Variants in RERE observed in about 807,000 individuals in gnomAD.
RERE encodes arginine-glutamic acid dipeptide repeats.
Under a neutral mutation model 146.1 loss-of-function variants are expected in RERE, and 40 were observed. The observed-to-expected ratio is 0.27, with a 90% CI of 0.21 to 0.36. The LOEUF (loss-of-function observed/expected upper bound fraction) is 0.36. Among genes scored for constraint, RERE ranks in the 10% least tolerant of loss-of-function variants. RERE has a pLI of 1.00. For missense variants in RERE, 1,933 were observed against 2,138.7 expected, an observed-to-expected ratio of 0.90 and a Z score of 1.90; for synonymous variants, 1,003 against 866.0, an observed-to-expected ratio of 1.16 and a Z score of -2.78.
At chr1:8,650,597 T>C (rs1647564105) in intron 2 of RERE, among the ~76,000 whole-genome samples, 1 of 151,992 alleles carries the variant, frequency 6.6e-6, no homozygotes, top group Non-Finnish European at 1.5e-5. Context: ...ACCCTGTCTC[T>C]ACAAAAAATA....
At chr1:8,675,984 T>C (rs1638832965) in intron 1 of RERE, among the ~76,000 whole-genome samples, 1 of 152,218 alleles carries the variant, frequency 6.6e-6, no homozygotes, top group Admixed American at 6.5e-5. Flanking sequence ...ATTTCAGATA[T>C]CGTATTTTTG....
chr1:8,767,319 G>A (rs978701028), intron 1 of RERE, among the ~76,000 whole-genome samples: 2 of 152,150 alleles, frequency 1.3e-5, no homozygotes, highest in African/African-American at 2.4e-5. Context: ...AAAAGCAATG[G>A]AGGCCAGGCA....
intron 1 of RERE, among the ~76,000 whole-genome samples, chr1:8,778,171 G>T (rs1641103182): frequency 6.6e-6 from 1 of 152,152 alleles, no homozygotes; most frequent in African/African-American, 2.4e-5. Context: ...ATTAGACAGT[G>T]AGTTAAAGTA....
chr1:8,505,143 A>G (rs937290044), intron 8 of RERE, among the ~76,000 whole-genome samples: 1 of 152,234 alleles, frequency 6.6e-6, no homozygotes, highest in Non-Finnish European at 1.5e-5. Flanking sequence ...CTGGGAATTA[A>G]GAGAGATTTA....
intron 4 of RERE, among the ~76,000 whole-genome samples, chr1:8,611,822 C>T (rs1646796959): frequency 6.6e-6 from 1 of 152,156 alleles, no homozygotes; most frequent in Admixed American, 6.5e-5. Flanking sequence ...CATGGTGCCA[C>T]GTGGTTTCTA....
At chr1:8,490,909 T>C (rs1345353760) in intron 10 of RERE, among the ~76,000 whole-genome samples, 1 of 150,584 alleles carries the variant, frequency 6.6e-6, no homozygotes, top group Middle Eastern at 3.2e-3. Context: ...CACAGATTTA[T>C]ATATCTGAAA....
At chr1:8,498,560 G>A (rs748465460) in intron 8 of RERE, among the ~76,000 whole-genome samples, 42 of 151,028 alleles carry the variant, frequency 2.8e-4, no homozygotes, top group African/African-American at 1.0e-3. Flanking sequence ...GCCAGGCGTG[G>A]TGGTATGTGC....
intron 1 of RERE, among the ~76,000 whole-genome samples, chr1:8,663,609 AG>A (rs1490487300): frequency 6.6e-6 from 1 of 152,212 alleles, no homozygotes; most frequent in Admixed American, 6.5e-5. Flanking sequence ...CAGTGCAGCC[AG>A]CCAGCCAGCA....
intron 4 of RERE, among the ~76,000 whole-genome samples, chr1:8,593,081 C>A (rs1301483036): frequency 6.6e-6 from 1 of 152,150 alleles, no homozygotes; most frequent in Non-Finnish European, 1.5e-5. Flanking sequence ...AATGGTGCGA[C>A]TGGTTTCAGA....
intron 11 of RERE, among the ~76,000 whole-genome samples, chr1:8,448,124 G>A (rs148237605): frequency 3.9e-5 from 6 of 152,226 alleles, no homozygotes; most frequent in East Asian, 3.9e-4. Flanking sequence ...TCTTGAGGTG[G>A]GGAGTTCCTG....
chr1:8,407,716 C>T lies in RERE; in HGVS notation c.1284+15011G>A, dbSNP rs191362854. 6.6e-5 allele frequency among the ~76,000 whole-genome samples: 10 copies of T among 152,242 alleles called. No homozygotes were observed. The East Asian group carries it at 1.7e-3, about 26-fold the overall frequency. On this transcript the variant is annotated intron_variant, in intron 12 of 22. Transcript: ENST00000400908. ...ATGGGGATGACTGCTGAGCTGATGT[C>T]TATAAAATGTTCTTAATGGCAAGGG... is the stretch of plus-strand genomic sequence containing the variant.
At chr1:8,369,508 TAAAAAAAAAAAAAAAAA>T (rs1186718390) in intron 12 of RERE, among the ~76,000 whole-genome samples, 16 of 76,892 alleles carry the variant, frequency 2.1e-4, no homozygotes, top group African/African-American at 6.3e-4. Context: ...CGCCTTTTAC[TAAAAAAAAAAAAAAAAA>T]AAAAAAAAAA....
intron 2 of RERE, among the ~76,000 whole-genome samples, chr1:8,643,799 A>AT (rs1647216890): frequency 6.6e-6 from 1 of 152,150 alleles, no homozygotes; most frequent in East Asian, 1.9e-4. Context: ...ACAGGTGTTC[A>AT]TTTTTCATTT....
chr1:8,518,401 C>T (rs1374980380), intron 7 of RERE, among the ~76,000 whole-genome samples: 4 of 152,176 alleles, frequency 2.6e-5, no homozygotes, highest in Non-Finnish European at 5.9e-5. Context: ...AGAAATCTCT[C>T]TCCCTGTCCT....
At chr1:8,439,827 C>T (rs1349103962) in intron 11 of RERE, among the ~76,000 whole-genome samples, 1 of 152,084 alleles carries the variant, frequency 6.6e-6, no homozygotes, top group Admixed American at 6.5e-5. Flanking sequence ...AATCCCAGCA[C>T]TTTGGGAGGC....
rs912784715 is a variant in RERE, at chr1:8,804,303, G to A, written c.-145+12857C>T. On this transcript the variant is annotated intron_variant, in intron 1 of 22. Transcript: ENST00000400908. ...CCAGCAATAAAAATCTGAAGCCATC[G>A]TTAGATCAAGACAAATTTCAGTGAA... Among the ~76,000 whole-genome samples the A allele has an allele frequency of 3.7e-4, 56 of 152,292 alleles. 1 individual carries two copies. The highest frequency in any genetic ancestry group is 3.7e-3 in the Admixed American group (56 of 15,296).
chr1:8,705,440 G>C (rs1159045661), intron 1 of RERE, among the ~76,000 whole-genome samples: 1 of 152,132 alleles, frequency 6.6e-6, no homozygotes, highest in Non-Finnish European at 1.5e-5. Context: ...GCCACTCACA[G>C]ACCGTTTAAA....
intron 4 of RERE, among the ~76,000 whole-genome samples, chr1:8,572,740 C>T (rs1232082094): frequency 2.6e-5 from 4 of 152,100 alleles, no homozygotes; most frequent in African/African-American, 9.7e-5. Flanking sequence ...GGAGAAGACC[C>T]CTTACCAATT....
At position 8,774,841 on chromosome 1, in the gene RERE, C is replaced by CA. The variant is rs1165701277; in HGVS notation, c.-145+42318dup. On this transcript the variant is annotated intron_variant, in intron 1 of 22. Coordinates refer to ENST00000400908, the MANE Select transcript of RERE (RefSeq NM_001042681.2). The stretch of plus-strand genomic sequence containing the variant: ...TGGGTATTTTAACTCCTCAATAGTC[C>CA]AACCCTCATCTGCTTTTCCTTAAAA... 4.4e-4 allele frequency among the ~76,000 whole-genome samples: 67 copies of CA among 151,860 alleles called. 1 individual carries two copies. The highest frequency in any genetic ancestry group is 2.5e-3 in the Admixed American group (38 of 15,260).
Sources: gnomAD v4.1 joint callset for allele counts (sites outside exome capture counted in the v4.1 genomes callset) on GRCh38, gnomAD v4.1.1 for gene constraint, MANE v1.5 for transcripts, NCBI Gene and HGNC (gene_info 2026-07-23, HGNC 2026-07-21) for gene names.